Variants in FUT8 observed in about 807,000 individuals in gnomAD.
FUT8 encodes the protein fucosyltransferase 8.
In FUT8, 29 loss-of-function variants were observed where a neutral mutation model predicts 71.3. That is an observed-to-expected ratio of 0.41 (90% CI 0.30 to 0.55). The LOEUF (loss-of-function observed/expected upper bound fraction) is 0.55, where lower values mean the gene tolerates loss of function less well. FUT8 is among the 20% of genes least tolerant of loss of function. The pLI is 0.34. For synonymous variants in FUT8, 254 were observed against 239.3 expected (o/e 1.06, Z -0.57); for missense variants, 544 against 702.1 (o/e 0.77, Z 2.55).
chr14:65,625,793 TAATA>T (rs1889866636), intron 5 of FUT8, among the ~76,000 whole-genome samples: 1 of 152,252 alleles, frequency 6.6e-6, no homozygotes, highest in Non-Finnish European at 1.5e-5. Context: ...TTAATTGAAT[TAATA>T]GTTTCACTTT....
chr14:65,428,952 T>C (rs2065428501), intron 1 of FUT8, among the ~76,000 whole-genome samples: 1 of 152,182 alleles, frequency 6.6e-6, no homozygotes, highest in African/African-American at 2.4e-5. Context: ...TGCATGACTA[T>C]CATTGGGAAG....
intron 1 of FUT8, among the ~76,000 whole-genome samples, chr14:65,445,330 A>C (rs182698982): frequency 1.1e-3 from 175 of 152,282 alleles, no homozygotes; most frequent in African/African-American, 3.8e-3. Context: ...AAAGATCCTC[A>C]CCAGATGCTG....
intron 2 of FUT8, among the ~76,000 whole-genome samples, chr14:65,469,139 A>G (rs941974009): frequency 6.6e-6 from 1 of 152,130 alleles, no homozygotes; most frequent in Non-Finnish European, 1.5e-5. Context: ...GTGAATCACC[A>G]CTGTACTCCA....
At position 65,743,892 on chromosome 14, in the gene FUT8, G is replaced by A. The variant is rs957788467; in HGVS notation, c.*1482G>A. ...AGAAAAATGTCATCTCTGTAGGAGC[G>A]ACTATCAGGCCTAGTGTGAAATATT... On this transcript the variant is annotated 3_prime_UTR_variant, in exon 11 of 11. Transcript: ENST00000673929. The A allele has an allele frequency of 2.0e-5, 3 of 151,778 alleles. No homozygotes were observed. Among genetic ancestry groups the A allele is most frequent in the Non-Finnish European group, 4.4e-5 (3 of 67,840 alleles). The allele number at this position is 151,778 out of a possible 1,614,324, so 9.4% of individuals were successfully genotyped here. A position where few individuals can be genotyped will look rare whatever the true frequency, so the allele number is the denominator to read the frequency against.
At chr14:65,411,708 C>T, upstream of FUT8, 3 of 276,032 alleles carry the variant, frequency 1.1e-5, no homozygotes, top group Non-Finnish European at 2.1e-5. Context: ...TTTCGCTCTC[C>T]CACCGTAAAG....
At chr14:65,455,789 T>C in intron 2 of FUT8, 71 bp downstream of exon 2, 1 of 396,300 alleles carries the variant, frequency 2.5e-6, no homozygotes, top group Non-Finnish European at 4.4e-6. Context: ...TAGATAATTT[T>C]GTGGTTAAAG....
Position 65,412,761 on chromosome 14 carries a change from C to A in FUT8, c.-779C>A, listed in dbSNP as rs1246880497. ...GCGCGCACGCCGGCGCTGGCCGAGG[C>A]TTCCCCGCCTGCGCTCGTTGTCAGA... On this transcript the variant is annotated 5_prime_UTR_variant, in exon 1 of 11. Transcript: ENST00000673929. 1 of 170,382 alleles carries A rather than the reference C, an allele frequency of 5.9e-6. No individual in the cohort carries two copies. The highest frequency in any genetic ancestry group is 1.9e-4 in the East Asian group (1 of 5,246). 10.6% of individuals were successfully genotyped at this position (170,382 alleles called of 1,614,324 possible).
chr14:65,548,491 A>AT (rs917003991), intron 2 of FUT8, among the ~76,000 whole-genome samples: 182 of 148,920 alleles, frequency 1.2e-3, no homozygotes, highest in Non-Finnish European at 1.9e-3. Flanking sequence ...GGCCATCTTG[A>AT]TTTTTTTTTT....
At chr14:65,656,676 G>A (rs575018348) in intron 6 of FUT8, among the ~76,000 whole-genome samples, 1 of 152,174 alleles carries the variant, frequency 6.6e-6, no homozygotes, top group East Asian at 1.9e-4. Context: ...AATAGTCAAA[G>A]CTATCCTGAG....
At chr14:65,393,962 T>C in the FUT8 span, among the ~76,000 whole-genome samples, 1 of 152,070 alleles carries the variant, frequency 6.6e-6, no homozygotes, top group Non-Finnish European at 1.5e-5. Flanking sequence ...CTTATCATTA[T>C]TATTATTATT....
At position 65,472,814 on chromosome 14, in the gene FUT8, A is replaced by G. The variant is rs1262007076; in HGVS notation, c.-228+17096A>G. On this transcript the variant is annotated intron_variant, in intron 2 of 10. Coordinates refer to ENST00000673929, the MANE Select transcript of FUT8 (RefSeq NM_001371533.1). The surrounding 1 kb of genome is among the most constrained non-coding windows in gnomAD (Gnocchi z 4.4). ...AATGTTTATTCTTATTTTTTTTGTG[A>G]TATGGTAAAAAACTTAGTTCATATA... 6.6e-6 allele frequency among the ~76,000 whole-genome samples: 1 copy of G among 152,010 alleles called. No individual in the cohort carries two copies. Among genetic ancestry groups the G allele is most frequent in the African/African-American group, 2.4e-5 (1 of 41,416 alleles).
intron 2 of FUT8, among the ~76,000 whole-genome samples, chr14:65,495,683 T>G (rs1049670300): frequency 8.5e-5 from 13 of 152,224 alleles, no homozygotes; most frequent in African/African-American, 3.1e-4. Flanking sequence ...CTATATAATT[T>G]AGCAGAATAA....
chr14:65,641,270 A>G (rs1475464748), intron 6 of FUT8, among the ~76,000 whole-genome samples: 1 of 152,230 alleles, frequency 6.6e-6, no homozygotes, highest in Non-Finnish European at 1.5e-5. Flanking sequence ...GGAGACCTAC[A>G]GTACATACTA....
chr14:65,503,405 T>G (rs946407035), intron 2 of FUT8, among the ~76,000 whole-genome samples: 3 of 152,254 alleles, frequency 2.0e-5, no homozygotes, highest in Non-Finnish European at 4.4e-5. Flanking sequence ...GTGTGTTTAG[T>G]GTGAATTTCA....
At chr14:65,600,862 A>G (rs899870947) in intron 3 of FUT8, among the ~76,000 whole-genome samples, 4 of 152,278 alleles carry the variant, frequency 2.6e-5, no homozygotes, top group African/African-American at 9.6e-5. Flanking sequence ...TTTTCTCCAA[A>G]TTGCCTTCTT....
At chr14:65,514,063 A>G (rs1439098578) in intron 2 of FUT8, among the ~76,000 whole-genome samples, 3 of 152,232 alleles carry the variant, frequency 2.0e-5, no homozygotes, top group Non-Finnish European at 4.4e-5. Flanking sequence ...TGCAGTCTCT[A>G]TAAGCTGGCT....
intron 7 of FUT8, among the ~76,000 whole-genome samples, chr14:65,680,917 A>G (rs968893604): frequency 4.6e-5 from 7 of 152,232 alleles, no homozygotes; most frequent in South Asian, 2.1e-4. Context: ...CCTGCACTCC[A>G]TAATTCACTA....
intron 7 of FUT8, among the ~76,000 whole-genome samples, chr14:65,695,611 C>A (rs894458317): frequency 1.4e-4 from 21 of 151,846 alleles, no homozygotes; most frequent in African/African-American, 4.3e-4. Flanking sequence ...TACTTTTAAC[C>A]TATGTGTATA....
intron 6 of FUT8, among the ~76,000 whole-genome samples, chr14:65,637,198 T>G (rs947437105): frequency 1.3e-5 from 2 of 152,234 alleles, no homozygotes; most frequent in Admixed American, 6.5e-5. Flanking sequence ...CTGATATATA[T>G]TCATTATGAG....
Sources: allele counts gnomAD v4.1 joint callset (sites outside exome capture counted in the v4.1 genomes callset), GRCh38; gene constraint gnomAD v4.1.1; non-coding constraint Gnocchi (gnomAD v3.1); transcripts MANE v1.5; gene names NCBI Gene and HGNC (gene_info 2026-07-23, HGNC 2026-07-21).